The following CPEB3 variants were observed in gnomAD, a reference collection of about 807,000 sequenced individuals.
CPEB3 encodes cytoplasmic polyadenylation element binding protein 3, also known as cytoplasmic polyadenylation element-binding protein 3.
Under a neutral mutation model 67.2 loss-of-function variants are expected in CPEB3, and 20 were observed. That is an observed-to-expected ratio of 0.30 (90% CI 0.21 to 0.43). The LOEUF is 0.43. CPEB3 is among the 20% of genes least tolerant of loss of function. CPEB3 has a pLI of 1.00. For synonymous variants in CPEB3, 376 were observed against 393.1 expected (o/e 0.96, Z 0.51); for missense variants, 746 against 968.6 (o/e 0.77, Z 3.05).
At chr10:92,073,486 T>G (rs1202117719) in intron 9 of CPEB3, among the ~76,000 whole-genome samples, 1 of 152,138 alleles carries the variant, frequency 6.6e-6, no homozygotes, top group Non-Finnish European at 1.5e-5. Flanking sequence ...AAACCCAGGT[T>G]GGAGTTCAGT....
intron 7 of CPEB3, among the ~76,000 whole-genome samples, chr10:92,093,762 A>G (rs1843724042): frequency 6.6e-6 from 1 of 152,106 alleles, no homozygotes. Context: ...TCAGCCTCCC[A>G]AAGTGTTAGG....
At chr10:92,181,048 A>G (rs746837928) in intron 3 of CPEB3, 29 bp from the exon 4 acceptor site, 3 of 1,224,454 alleles carry the variant, frequency 2.5e-6, no homozygotes, top group South Asian at 1.2e-5. Context: ...TTAAGCAAAA[A>G]GAATGTTTAA....
chr10:92,262,123 A>G (rs543979558), intron 1 of CPEB3, among the ~76,000 whole-genome samples: 20 of 152,312 alleles, frequency 1.3e-4, no homozygotes, highest in Middle Eastern at 3.4e-3. Flanking sequence ...ATATGCACCA[A>G]ATGTCCTAAG....
chr10:92,100,711 C>T (rs1564779213), intron 7 of CPEB3, among the ~76,000 whole-genome samples: 1 of 152,138 alleles, frequency 6.6e-6, no homozygotes, highest in African/African-American at 2.4e-5. Flanking sequence ...CCTGCCTCAG[C>T]CTCCCAAGTA....
chr10:92,062,798 G>A (rs570369179), intron 9 of CPEB3, among the ~76,000 whole-genome samples: 7 of 152,354 alleles, frequency 4.6e-5, no homozygotes, highest in Admixed American at 2.6e-4. Flanking sequence ...CCAGTCTGGT[G>A]AGATCACGTT....
At chr10:92,245,133 CTTTTTTTTTTT>C (rs989695063) in intron 1 of CPEB3, among the ~76,000 whole-genome samples, 2 of 98,068 alleles carry the variant, frequency 2.0e-5, no homozygotes, top group African/African-American at 4.0e-5. Flanking sequence ...AGAAAAGAGT[CTTTTTTTTTTT>C]TTTTTTTTTT....
intron 2 of CPEB3, among the ~76,000 whole-genome samples, chr10:92,219,220 A>C (rs548470773): frequency 1.3e-5 from 2 of 152,312 alleles, no homozygotes; most frequent in Non-Finnish European, 2.9e-5. Context: ...ACTGGAATAT[A>C]AAATGGGCAA....
chr10:92,275,412 G>A (rs1448026243), intron 1 of CPEB3, among the ~76,000 whole-genome samples: 2 of 152,038 alleles, frequency 1.3e-5, no homozygotes, highest in Non-Finnish European at 2.9e-5. Context: ...TTCATTACTG[G>A]CCTATACAGA....
intron 4 of CPEB3, among the ~76,000 whole-genome samples, chr10:92,173,104 T>C (rs1317235036): frequency 6.6e-6 from 1 of 152,152 alleles, no homozygotes; most frequent in African/African-American, 2.4e-5. Context: ...AGGGACCAAC[T>C]GTGAATAAAA....
chr10:92,199,170 TCACC>T (rs1444012277), intron 2 of CPEB3, among the ~76,000 whole-genome samples: 3 of 151,952 alleles, frequency 2.0e-5, no homozygotes, highest in Non-Finnish European at 4.4e-5. Flanking sequence ...GGCAGGCGGA[TCACC>T]TGAGGTCGGG....
At chr10:92,210,864 C>G (rs900398774) in intron 2 of CPEB3, among the ~76,000 whole-genome samples, 3 of 151,068 alleles carry the variant, frequency 2.0e-5, no homozygotes, top group African/African-American at 7.3e-5. Flanking sequence ...ATGATGAAAC[C>G]CAGTCTGTAT....
At chr10:92,066,796 G>A (rs1842564931) in intron 9 of CPEB3, among the ~76,000 whole-genome samples, 1 of 152,132 alleles carries the variant, frequency 6.6e-6, no homozygotes, top group African/African-American at 2.4e-5. Flanking sequence ...TGTAATTCTA[G>A]CACTTTGGGA....
chr10:92,240,117 C>T lies in CPEB3; in HGVS notation c.234G>A (p.Leu78=). ...GAGGCTGATGGAAACTCAAGCCTGG[C>T]AGGAGCGGTGATTCCATCTGCATCT... ...PDKMQMESPL[L]PGLSFHQPPQ... Residue 78 remains leucine (L), a synonymous_variant, in exon 2 of 10, where the codon CTG becomes CTA. Coordinates refer to ENST00000265997, the MANE Select transcript of CPEB3 (RefSeq NM_014912.5). 1 of 1,575,392 alleles carries T rather than the reference C, an allele frequency of 6.3e-7. No individual in the cohort carries two copies. Among genetic ancestry groups the T allele is most frequent in the South Asian group, 1.2e-5 (1 of 86,622 alleles).
intron 8 of CPEB3, 29 bp downstream of exon 8, chr10:92,091,801 G>T (rs1173257291): frequency 2.2e-6 from 3 of 1,349,790 alleles, no homozygotes; most frequent in Non-Finnish European, 3.1e-6. Flanking sequence ...TGTTGGTTTT[G>T]TTGTTGTGGT....
intron 1 of CPEB3, among the ~76,000 whole-genome samples, chr10:92,261,059 G>A (rs1211987210): frequency 1.3e-5 from 2 of 152,014 alleles, no homozygotes; most frequent in Admixed American, 1.3e-4. Context: ...AGTAGGTTCT[G>A]TACAAGCTGA....
At chr10:92,110,909 G>C (rs571660775) in intron 7 of CPEB3, among the ~76,000 whole-genome samples, 167 bp downstream of exon 7, 1 of 152,334 alleles carries the variant, frequency 6.6e-6, no homozygotes, top group Non-Finnish European at 1.5e-5. Flanking sequence ...TGAGTAATTT[G>C]TTGTTAGTTT....
chr10:92,201,518 A>T (rs1849524072), intron 2 of CPEB3, among the ~76,000 whole-genome samples: 2 of 151,340 alleles, frequency 1.3e-5, no homozygotes, highest in South Asian at 2.1e-4. Context: ...ACAGAACAAG[A>T]CACTGTCTCA....
intron 7 of CPEB3, among the ~76,000 whole-genome samples, chr10:92,108,718 T>G (rs1844588717): frequency 6.6e-6 from 1 of 152,204 alleles, no homozygotes. Flanking sequence ...AAATGAAAAC[T>G]GTAATAAGGC....
At chr10:92,173,264 A>G (rs999090851) in intron 4 of CPEB3, among the ~76,000 whole-genome samples, 1 of 152,218 alleles carries the variant, frequency 6.6e-6, no homozygotes, top group Non-Finnish European at 1.5e-5. Flanking sequence ...CGGGAAGAGT[A>G]AGTAAATTTT....
Sources: allele counts gnomAD v4.1 joint callset (sites outside exome capture counted in the v4.1 genomes callset), GRCh38; gene constraint gnomAD v4.1.1; transcripts MANE v1.5; gene names NCBI Gene and HGNC (gene_info 2026-07-23, HGNC 2026-07-21).